Variants in GPC5 observed in about 807,000 individuals in gnomAD.
The protein encoded by GPC5 is glypican 5, also known as glypican-5.
A neutral mutation model predicts 53.9 loss-of-function variants in GPC5; 47 were observed. That is an observed-to-expected ratio of 0.87 (90% confidence interval 0.69 to 1.11). The LOEUF is 1.11. GPC5 is among the 50% of genes most tolerant of loss of function. GPC5 has a pLI of 0.00. For missense variants in GPC5, 748 were observed against 713.1 expected (o/e 1.05, Z -0.56); for synonymous variants, 286 against 263.3 (o/e 1.09, Z -0.84).
rs148493356 is a variant in GPC5, at chr13:92,607,856, G to T, written c.1562-258426G>T. 3.7e-4 allele frequency among the ~76,000 whole-genome samples: 56 copies of T among 152,106 alleles called. No homozygotes were observed. In the East Asian group the frequency reaches 0.01, roughly 28 times the overall value. ...CAACATGGGTTTGAATTCTGCAGGC[G>T]CTTTACACGCAGATTCTCTTCCACC... On this transcript the variant is annotated intron_variant, in intron 7 of 7. Transcript: ENST00000377067.
intron 7 of GPC5, among the ~76,000 whole-genome samples, chr13:92,607,229 A>G (rs1884287364): frequency 6.6e-6 from 1 of 152,054 alleles, no homozygotes; most frequent in Non-Finnish European, 1.5e-5. Context: ...GTAATATGAG[A>G]AAAAATGTAA....
At chr13:91,465,356 C>G (rs1387928049) in intron 2 of GPC5, among the ~76,000 whole-genome samples, 1 of 152,108 alleles carries the variant, frequency 6.6e-6, no homozygotes, top group Non-Finnish European at 1.5e-5. Flanking sequence ...AATAGTTACC[C>G]TAGATCTTTG....
intron 7 of GPC5, among the ~76,000 whole-genome samples, chr13:92,159,634 G>T (rs1394918167): frequency 8.7e-6 from 1 of 114,818 alleles, no homozygotes; most frequent in Non-Finnish European, 1.6e-5. Context: ...ACAGAGTGTC[G>T]CTCCGTCGCC....
intron 7 of GPC5, among the ~76,000 whole-genome samples, chr13:92,344,672 G>A (rs1374930386): frequency 1.3e-5 from 2 of 152,124 alleles, no homozygotes; most frequent in African/African-American, 4.8e-5. Context: ...GTCAAAGTGA[G>A]GTTCACAACT....
At chr13:92,529,977 T>G (rs1007591753) in intron 7 of GPC5, among the ~76,000 whole-genome samples, 2 of 151,712 alleles carry the variant, frequency 1.3e-5, no homozygotes, top group Admixed American at 1.3e-4. Flanking sequence ...CCAGCTACTC[T>G]GGGGGCTGAG....
At position 92,110,005 on chromosome 13, in the gene GPC5, AAAAAT is replaced by A. The variant is rs1436769059; in HGVS notation, c.1402-34820_1402-34816del. 2.0e-5 allele frequency among the ~76,000 whole-genome samples: 3 copies of A among 152,216 alleles called. No homozygotes were observed. The South Asian group carries it at 6.2e-4, about 31-fold the overall frequency. ...TGATAAATATAATATATCCAGTAGA[AAAAAT>A]AAAAGATACATAGGTATATGAAAAA... On this transcript the variant is annotated intron_variant, in intron 6 of 7. Coordinates refer to ENST00000377067, the MANE Select transcript of GPC5 (RefSeq NM_004466.6).
intron 6 of GPC5, among the ~76,000 whole-genome samples, chr13:92,093,063 G>A (rs1332939959): frequency 1.3e-5 from 2 of 152,080 alleles, no homozygotes; most frequent in Admixed American, 6.6e-5. Context: ...AAAGCAAAAG[G>A]CTCAGAAACC....
intron 6 of GPC5, among the ~76,000 whole-genome samples, chr13:92,124,781 T>A (rs2041681244): frequency 6.6e-6 from 1 of 152,082 alleles, no homozygotes; most frequent in Non-Finnish European, 1.5e-5. Flanking sequence ...CTACTCTAGG[T>A]CATTTAAGTA....
intron 7 of GPC5, among the ~76,000 whole-genome samples, chr13:92,360,203 G>A (rs1208454508): frequency 6.6e-6 from 1 of 151,544 alleles, no homozygotes; most frequent in African/African-American, 2.4e-5. Flanking sequence ...GTGCCTTCTA[G>A]CATTTTAAAA....
chr13:92,795,150 G>A (rs1192366866), intron 7 of GPC5, among the ~76,000 whole-genome samples: 1 of 152,110 alleles, frequency 6.6e-6, no homozygotes, highest in Non-Finnish European at 1.5e-5. Flanking sequence ...CGAGACTACA[G>A]TAACCAAAAA....
intron 7 of GPC5, among the ~76,000 whole-genome samples, chr13:92,746,810 C>T (rs1219931864): frequency 6.6e-6 from 1 of 152,096 alleles, no homozygotes; most frequent in Non-Finnish European, 1.5e-5. Flanking sequence ...GATTCATTAA[C>T]ATATACAGTC....
At chr13:91,747,356 G>A (rs2037071768) in intron 4 of GPC5, among the ~76,000 whole-genome samples, 1 of 152,132 alleles carries the variant, frequency 6.6e-6, no homozygotes, top group Admixed American at 6.6e-5. Flanking sequence ...CAAGGGCATG[G>A]GAAGCAATGA....
chr13:91,778,993 A>C (rs915060913), intron 5 of GPC5, among the ~76,000 whole-genome samples: 3 of 152,228 alleles, frequency 2.0e-5, no homozygotes, highest in Non-Finnish European at 4.4e-5. Flanking sequence ...GTATCTAGAC[A>C]TAGAAAAGGC....
chr13:92,559,130 A>T (rs1390179465), intron 7 of GPC5, among the ~76,000 whole-genome samples: 3 of 140,914 alleles, frequency 2.1e-5, no homozygotes. Flanking sequence ...ACAGGAGCAT[A>T]CATCACCCAG....
At chr13:91,434,686 T>A (rs1279291428) in intron 1 of GPC5, among the ~76,000 whole-genome samples, 1 of 152,192 alleles carries the variant, frequency 6.6e-6, no homozygotes, top group Non-Finnish European at 1.5e-5. Context: ...TTTGGTTGCA[T>A]ATGAACTTTA....
At chr13:92,337,520 A>G (rs937223788) in intron 7 of GPC5, among the ~76,000 whole-genome samples, 1 of 152,184 alleles carries the variant, frequency 6.6e-6, no homozygotes, top group East Asian at 1.9e-4. Context: ...GAAAGAGAAC[A>G]AAGTTGGAGA....
At chr13:91,727,258 C>T (rs897911567) in intron 3 of GPC5, among the ~76,000 whole-genome samples, 1 of 152,196 alleles carries the variant, frequency 6.6e-6, no homozygotes, top group Non-Finnish European at 1.5e-5. Context: ...CCAGGCTCAA[C>T]AGATGCTCCA....
chr13:91,701,776 C>T (rs866721495), intron 3 of GPC5, among the ~76,000 whole-genome samples: 3 of 152,130 alleles, frequency 2.0e-5, no homozygotes, highest in Middle Eastern at 3.4e-3. Flanking sequence ...GACATCTCTT[C>T]CACATACTGA....
intron 6 of GPC5, among the ~76,000 whole-genome samples, chr13:91,915,293 C>T (rs1169905826): frequency 6.6e-6 from 1 of 152,126 alleles, no homozygotes; most frequent in Admixed American, 6.5e-5. Context: ...CAATGGAAGG[C>T]TGCTTTCTGG....
Sources: gnomAD v4.1 joint callset for allele counts (sites outside exome capture counted in the v4.1 genomes callset) on GRCh38, gnomAD v4.1.1 for gene constraint, MANE v1.5 for transcripts, NCBI Gene and HGNC (gene_info 2026-07-23, HGNC 2026-07-21) for gene names.